The following CCNY variants were observed in gnomAD, a reference collection of about 807,000 sequenced individuals.
CCNY encodes the protein cyclin-Y.
CCNY carries 19 observed loss-of-function variants against 42.8 expected under a neutral mutation model. That is an observed-to-expected ratio of 0.44 (90% confidence interval 0.31 to 0.65). The LOEUF (loss-of-function observed/expected upper bound fraction) is 0.65. CCNY is among the 30% of genes least tolerant of loss of function. CCNY has a pLI of 0.07. For missense variants in CCNY, 370 were observed against 437.3 expected (o/e 0.85, Z 1.37); for synonymous variants, 165 against 162.7 (o/e 1.01, Z -0.11).
chr10:35,555,961 A>G, intron 8 of CCNY, among the ~76,000 whole-genome samples: 1 of 152,166 alleles, frequency 6.6e-6, no homozygotes, highest in East Asian at 1.9e-4. Flanking sequence ...TGCTTTACTC[A>G]TTAAGATTTT....
chr10:35,567,781 T>A (rs924600808), intron 9 of CCNY, among the ~76,000 whole-genome samples: 1 of 152,108 alleles, frequency 6.6e-6, no homozygotes, highest in African/African-American at 2.4e-5. Flanking sequence ...ATAGCACTGG[T>A]TAGAAATAAA....
At chr10:35,474,356 A>G (rs1839458105) in intron 1 of CCNY, among the ~76,000 whole-genome samples, 1 of 152,236 alleles carries the variant, frequency 6.6e-6, no homozygotes, top group Non-Finnish European at 1.5e-5. Context: ...GCACAGACAA[A>G]CAAAAAGACA....
chr10:35,564,528 G>A (rs1003894386), intron 8 of CCNY, among the ~76,000 whole-genome samples: 2 of 152,132 alleles, frequency 1.3e-5, no homozygotes, highest in African/African-American at 2.4e-5. Context: ...TAGGGGTCTC[G>A]GGACATCACT....
chr10:35,264,304 GT>G (rs1172637190), intron 3 of CCNY, among the ~76,000 whole-genome samples: 2 of 152,220 alleles, frequency 1.3e-5, no homozygotes, highest in Non-Finnish European at 2.9e-5. Flanking sequence ...TGTTACATAT[GT>G]ATACATGTGC....
chr10:35,448,657 C>T (rs1187509720), intron 1 of CCNY, among the ~76,000 whole-genome samples: 2 of 151,950 alleles, frequency 1.3e-5, no homozygotes, highest in Non-Finnish European at 2.9e-5. Context: ...GGGGAAGGAG[C>T]CTTCCCAGCA....
intron 1 of CCNY, among the ~76,000 whole-genome samples, chr10:35,428,469 G>A (rs1181698243): frequency 6.6e-6 from 1 of 152,226 alleles, no homozygotes; most frequent in African/African-American, 2.4e-5. Context: ...GTGTGTGTGC[G>A]TGATGAGGGT....
chr10:35,476,520 T>A (rs1839514344), intron 1 of CCNY, among the ~76,000 whole-genome samples: 1 of 152,044 alleles, frequency 6.6e-6, no homozygotes, highest in Admixed American at 6.5e-5. Flanking sequence ...CTGAACAACC[T>A]GCTCCTGAAT....
chr10:35,499,836 G>C (rs1357850624), intron 2 of CCNY, among the ~76,000 whole-genome samples: 1 of 152,208 alleles, frequency 6.6e-6, no homozygotes, highest in African/African-American at 2.4e-5. Flanking sequence ...CCTTCAGTCA[G>C]TGGGAAATCA....
At chr10:35,437,667 A>C (rs940154239) in intron 1 of CCNY, among the ~76,000 whole-genome samples, 9 of 152,050 alleles carry the variant, frequency 5.9e-5, no homozygotes, top group Non-Finnish European at 1.3e-4. Flanking sequence ...GTCTCAAAAA[A>C]AAAACCAAAA....
chr10:35,549,103 A>ACCCCCCCCCCCC (rs539948789), intron 7 of CCNY, among the ~76,000 whole-genome samples: 2 of 51,920 alleles, frequency 3.9e-5, no homozygotes, highest in African/African-American at 1.3e-4. Context: ...CACCCACCCC[A>ACCCCCCCCCCCC]CCCCCCCCCG....
chr10:35,491,653 G>A (rs986822322), intron 2 of CCNY, among the ~76,000 whole-genome samples: 5 of 151,860 alleles, frequency 3.3e-5, no homozygotes, highest in Non-Finnish European at 5.9e-5. Context: ...ACGCTCTGTC[G>A]CCCAGGCTGG....
chr10:35,444,613 T>A (rs527386329), intron 1 of CCNY, among the ~76,000 whole-genome samples: 31 of 152,326 alleles, frequency 2.0e-4, no homozygotes, highest in Non-Finnish European at 4.1e-4. Context: ...ACAGGAGTGA[T>A]GTGTTGCACT....
At chr10:35,443,871 G>A (rs1838728776) in intron 1 of CCNY, among the ~76,000 whole-genome samples, 1 of 152,054 alleles carries the variant, frequency 6.6e-6, no homozygotes, top group Non-Finnish European at 1.5e-5. Context: ...CTCTATGTAT[G>A]TCTCTTTTGG....
chr10:35,291,595 G>A (rs541219424), intron 3 of CCNY, among the ~76,000 whole-genome samples: 10 of 141,906 alleles, frequency 7.0e-5, no homozygotes, highest in East Asian at 2.1e-4. Context: ...GCAGTGGCAC[G>A]ATCTCGCTCA....
At chr10:35,422,749 G>T (rs1253487663) in intron 1 of CCNY, among the ~76,000 whole-genome samples, 1 of 152,180 alleles carries the variant, frequency 6.6e-6, no homozygotes, top group Non-Finnish European at 1.5e-5. Flanking sequence ...GGAATAGAGA[G>T]AATTGTGCCA....
intron 1 of CCNY, among the ~76,000 whole-genome samples, chr10:35,479,771 AAAAG>A (rs974830516): frequency 6.6e-6 from 1 of 152,180 alleles, no homozygotes; most frequent in Non-Finnish European, 1.5e-5. Flanking sequence ...TAATAAAAAA[AAAAG>A]AAAAACATCA....
intron 3 of CCNY, among the ~76,000 whole-genome samples, chr10:35,265,765 C>T (rs1236893621): frequency 6.6e-6 from 1 of 152,146 alleles, no homozygotes; most frequent in Non-Finnish European, 1.5e-5. Flanking sequence ...AATGGCTCTC[C>T]AAAGCACATA....
At chr10:35,355,496 T>C (rs1364765872) in intron 1 of CCNY, among the ~76,000 whole-genome samples, 2 of 151,544 alleles carry the variant, frequency 1.3e-5, no homozygotes, top group Non-Finnish European at 2.9e-5. Flanking sequence ...TGGCCAACAT[T>C]GTGAAACCCC....
At chr10:35,319,024 G>A (rs992270536) in intron 3 of CCNY, among the ~76,000 whole-genome samples, 2 of 152,044 alleles carry the variant, frequency 1.3e-5, no homozygotes, top group Admixed American at 1.3e-4. Flanking sequence ...GTGCAGTGGC[G>A]GGATCACGGC....
Sources: allele counts gnomAD v4.1 joint callset (sites outside exome capture counted in the v4.1 genomes callset), GRCh38; gene constraint gnomAD v4.1.1; transcripts MANE v1.5; gene names NCBI Gene and HGNC (gene_info 2026-07-23, HGNC 2026-07-21).